The following EPHA6 variants were observed in gnomAD, a reference collection of about 807,000 sequenced individuals.
EPHA6 encodes the protein EPH receptor A6, also known as ephrin type-A receptor 6.
In EPHA6, 50 loss-of-function variants were observed where a neutral mutation model predicts 112.0. The observed-to-expected ratio is 0.45, with a 90% CI of 0.36 to 0.56. The LOEUF (loss-of-function observed/expected upper bound fraction) is 0.56, where lower values mean the gene tolerates loss of function less well. Among genes scored for constraint, EPHA6 ranks in the 20% least tolerant of loss-of-function variants. The pLI, the probability that EPHA6 is intolerant of heterozygous loss-of-function variation, is 0.00. For synonymous variants in EPHA6, 529 were observed against 490.7 expected (o/e 1.08, Z -1.03); for missense variants, 1,280 against 1,417.4 (o/e 0.90, Z 1.56).
intron 9 of EPHA6, among the ~76,000 whole-genome samples, chr3:97,482,550 G>T (rs370152335): frequency 1.3e-5 from 2 of 152,084 alleles, no homozygotes; most frequent in Admixed American, 6.5e-5. Flanking sequence ...ATTTTCTCAC[G>T]GTCCATATGC....
In EPHA6 at chr3:96,979,536, C is replaced by G. The variant is rs112658374; in HGVS notation, c.451-7794C>G. 2.0e-5 allele frequency among the ~76,000 whole-genome samples: 3 copies of G among 152,252 alleles called. No individual in the cohort carries two copies. In the East Asian group the frequency reaches 5.8e-4, roughly 29 times the overall value. On this transcript the variant is annotated intron_variant, in intron 2 of 17. Transcript: ENST00000389672. ...ATGTGTGCATGTGCCTTTATAGCAG[C>G]ATGATTTATAATCCTTTGGGTATAT...
chr3:97,228,153 G>A (rs1355105820), intron 4 of EPHA6, among the ~76,000 whole-genome samples: 2 of 152,024 alleles, frequency 1.3e-5, no homozygotes, highest in Admixed American at 6.6e-5. Flanking sequence ...TGTGGAATTC[G>A]GATTTTATTT....
intron 3 of EPHA6, among the ~76,000 whole-genome samples, chr3:97,212,449 T>C (rs1000593414): frequency 9.2e-5 from 14 of 152,164 alleles, no homozygotes; most frequent in Admixed American, 6.5e-5. Flanking sequence ...TTCAAAATGG[T>C]AATAAAAATT....
intron 3 of EPHA6, among the ~76,000 whole-genome samples, chr3:97,178,156 A>C (rs1166331354): frequency 6.6e-6 from 1 of 152,054 alleles, no homozygotes; most frequent in Admixed American, 6.6e-5. Context: ...ACTATCTCAT[A>C]ACCCACTATT....
chr3:97,592,056 A>T (rs114310444), intron 11 of EPHA6, among the ~76,000 whole-genome samples: 1,728 of 152,286 alleles, frequency 0.011, 35 homozygotes, highest in African/African-American at 0.039. Context: ...GCAAACTCTC[A>T]TGTCTTGTCC....
chr3:97,091,642 G>A (rs2047069066), intron 3 of EPHA6, among the ~76,000 whole-genome samples: 1 of 152,064 alleles, frequency 6.6e-6, no homozygotes. Flanking sequence ...TGTAAGATTA[G>A]GCTAATATGT....
chr3:97,345,022 T>C (rs1361659866), intron 5 of EPHA6, among the ~76,000 whole-genome samples: 1 of 152,002 alleles, frequency 6.6e-6, no homozygotes, highest in Admixed American at 6.6e-5. Context: ...TCTGGATTGC[T>C]TAACTTCACA....
At chr3:97,331,285 A>C (rs1409949232) in intron 5 of EPHA6, among the ~76,000 whole-genome samples, 3 of 152,196 alleles carry the variant, frequency 2.0e-5, no homozygotes, top group Non-Finnish European at 4.4e-5. Context: ...AAATGCCCAC[A>C]AGAGAAAGCA....
At chr3:97,726,286 A>G (rs777941224) in intron 15 of EPHA6, among the ~76,000 whole-genome samples, 14 of 152,084 alleles carry the variant, frequency 9.2e-5, no homozygotes, top group Non-Finnish European at 1.6e-4. Flanking sequence ...TCTACTGTGG[A>G]AGTCCAATTT....
intron 13 of EPHA6, among the ~76,000 whole-genome samples, chr3:97,629,153 C>T (rs573611951): frequency 6.6e-6 from 1 of 151,926 alleles, no homozygotes; most frequent in Non-Finnish European, 1.5e-5. Context: ...GTCTCAATCT[C>T]CTGGCCTCAA....
At chr3:97,152,837 T>A (rs982122763) in intron 3 of EPHA6, among the ~76,000 whole-genome samples, 2 of 152,158 alleles carry the variant, frequency 1.3e-5, no homozygotes, top group African/African-American at 4.8e-5. Context: ...CTAGGATTGA[T>A]AATTAAAGCC....
At chr3:97,635,445 A>C (rs1164528896) in intron 13 of EPHA6, among the ~76,000 whole-genome samples, 3 of 152,164 alleles carry the variant, frequency 2.0e-5, no homozygotes, top group Non-Finnish European at 4.4e-5. Context: ...ATGAATACAC[A>C]AAAAGAGTAG....
At chr3:97,382,303 C>A (rs1361435184) in intron 5 of EPHA6, among the ~76,000 whole-genome samples, 1 of 152,010 alleles carries the variant, frequency 6.6e-6, no homozygotes, top group Admixed American at 6.6e-5. Context: ...TCTTGTTTGA[C>A]AGAGGATGAC....
At chr3:97,539,030 T>TCTTGCTTTCTTG (rs1553805979) in intron 11 of EPHA6, among the ~76,000 whole-genome samples, 1 of 145,630 alleles carries the variant, frequency 6.9e-6, no homozygotes, top group African/African-American at 2.7e-5. Context: ...TTTCTTTCTT[T>TCTTGCTTTCTTG]CTTTCTTGCT....
chr3:96,941,911 C>T (rs546035159), intron 2 of EPHA6, among the ~76,000 whole-genome samples: 4 of 152,288 alleles, frequency 2.6e-5, no homozygotes, highest in Non-Finnish European at 4.4e-5. Flanking sequence ...TGTAGAACAG[C>T]GGTGGCTGTA....
chr3:97,326,753 A>G (rs1477627774), intron 5 of EPHA6, among the ~76,000 whole-genome samples: 1 of 152,094 alleles, frequency 6.6e-6, no homozygotes, highest in African/African-American at 2.4e-5. Flanking sequence ...ATGATTCTAA[A>G]CAAAATACTG....
intron 2 of EPHA6, among the ~76,000 whole-genome samples, chr3:96,887,572 C>T (rs923218283): frequency 1.3e-5 from 2 of 152,278 alleles, no homozygotes; most frequent in Non-Finnish European, 2.9e-5. Context: ...TGGTTGGCCT[C>T]CTGCCGGGAG....
intron 5 of EPHA6, among the ~76,000 whole-genome samples, chr3:97,379,824 A>C (rs1312965263): frequency 6.6e-6 from 1 of 151,976 alleles, no homozygotes; most frequent in Non-Finnish European, 1.5e-5. Context: ...CCATAAAGTA[A>C]AAACTTTATG....
intron 6 of EPHA6, among the ~76,000 whole-genome samples, chr3:97,410,528 C>A (rs928996014): frequency 6.6e-6 from 1 of 152,020 alleles, no homozygotes; most frequent in African/African-American, 2.4e-5. Flanking sequence ...CTGTCCCTTT[C>A]CCTGTGACCA....
Sources: allele counts gnomAD v4.1 joint callset (sites outside exome capture counted in the v4.1 genomes callset), GRCh38; gene constraint gnomAD v4.1.1; transcripts MANE v1.5; gene names NCBI Gene and HGNC (gene_info 2026-07-23, HGNC 2026-07-21).